The following MZT2A variants were observed in gnomAD, a reference collection of about 807,000 sequenced individuals.
MZT2A encodes mitotic spindle organizing protein 2A, also known as mitotic-spindle organizing protein 2A.
A neutral mutation model predicts 12.4 loss-of-function variants in MZT2A; 8 were observed. That is an observed-to-expected ratio of 0.64 (90% CI 0.38 to 1.16). The LOEUF (loss-of-function observed/expected upper bound fraction) is 1.16, where lower values mean the gene tolerates loss of function less well. Among genes scored for constraint, MZT2A ranks in the 50% most tolerant of loss-of-function variants. MZT2A has a pLI of 0.01. For synonymous variants in MZT2A, 88 were observed against 107.5 expected, an observed-to-expected ratio of 0.82 and a Z score of 1.12; for missense variants, 181 against 223.6, an observed-to-expected ratio of 0.81 and a Z score of 1.22.
intron 2 of MZT2A, chr2:131,490,338 G>C: frequency 9.5e-7 from 1 of 1,049,750 alleles, no homozygotes; most frequent in Non-Finnish European, 1.2e-6. Flanking sequence ...TTCCTGTCCA[G>C]GTAGGGGACA....
chr2:131,469,756 C>T (rs1468142875), intron 4 of MZT2A: 1 of 144,516 alleles, frequency 6.9e-6, no homozygotes, highest in Non-Finnish European at 1.5e-5. Context: ...TAAGGTCATA[C>T]AAAAGTCCAG....
chr2:131,485,163 C>A (rs1235980171), intron 2 of MZT2A, among the ~76,000 whole-genome samples: 1 of 152,182 alleles, frequency 6.6e-6, no homozygotes, highest in East Asian at 1.9e-4. Context: ...GACCCGTGGG[C>A]TCTAAACAGG....
intron 2 of MZT2A, chr2:131,491,366 G>A (rs1183631127): frequency 7.4e-6 from 2 of 271,778 alleles, no homozygotes; most frequent in South Asian, 4.2e-5. Flanking sequence ...GCAGGAAGAC[G>A]TCTGCCTGCC....
At chr2:131,472,274 T>C in intron 2 of MZT2A, 1 of 1,114,086 alleles carries the variant, frequency 9.0e-7, no homozygotes, top group Non-Finnish European at 1.2e-6. Context: ...ATTGAAATGA[T>C]TTAATAATTC....
At position 131,491,063 on chromosome 2, in the gene MZT2A, TCTC is replaced by T. The variant is rs879086952; in HGVS notation, c.319+810_319+812del. On this transcript the variant is annotated intron_variant, in intron 2 of 2. Transcript: ENST00000309451. The stretch of plus-strand genomic sequence containing the variant: ...CGCCTTCTCATGATGCCTGTGAGGG[TCTC>T]CTCCTGCTTCCAGGCAGGGAGCCAG... The T allele has an allele frequency of 1.0e-4, 109 of 1,054,272 alleles. 1 individual carries two copies. In the South Asian group the frequency reaches 1.3e-3, roughly 13 times the overall value. 65.3% of individuals were successfully genotyped at this position (1,054,272 alleles called of 1,614,324 possible).
At chr2:131,481,475 G>T (rs1378209294), downstream of MZT2A, among the ~76,000 whole-genome samples, 2 of 142,456 alleles carry the variant, frequency 1.4e-5, no homozygotes, top group East Asian at 4.2e-4. Flanking sequence ...TTGCTCTGTC[G>T]CCCGGGTTGG....
chr2:131,480,634 C>T (rs750836208), downstream of MZT2A: 15 of 1,613,746 alleles, frequency 9.3e-6, no homozygotes, highest in Non-Finnish European at 1.3e-5. Context: ...AAGTACATGG[C>T]CTGCTGCATG....
downstream of MZT2A, chr2:131,480,155 G>A (rs141774774): frequency 6.2e-7 from 1 of 1,613,742 alleles, no homozygotes; most frequent in Non-Finnish European, 8.5e-7. Context: ...CTCTGCTCAT[G>A]GAGCGGCTCT....
chr2:131,479,986 G>T, downstream of MZT2A: 1 of 1,486,390 alleles, frequency 6.7e-7, no homozygotes, highest in Non-Finnish European at 9.0e-7. Context: ...CTCTTTAGAG[G>T]CAAAGAGAAG....
At chr2:131,484,331 G>T (rs1258289641) in intron 2 of MZT2A, 113 bp from the exon 3 acceptor site, 3 of 1,486,006 alleles carry the variant, frequency 2.0e-6, no homozygotes, top group Non-Finnish European at 2.7e-6. Flanking sequence ...CATCAAAGTC[G>T]CTTCAGCTAG....
upstream of MZT2A, chr2:131,492,498 G>A (rs1038526867): frequency 1.3e-4 from 149 of 1,130,010 alleles, no homozygotes; most frequent in African/African-American, 1.6e-3. Context: ...AGCGGCGGGA[G>A]CGCGGGGACG....
At chr2:131,483,577 G>A (rs529948568), downstream of MZT2A, among the ~76,000 whole-genome samples, 19 of 143,412 alleles carry the variant, frequency 1.3e-4, no homozygotes, top group African/African-American at 5.6e-4. Flanking sequence ...CTAGCCGGGT[G>A]TGGTGGTGGG....
intron 2 of MZT2A, among the ~76,000 whole-genome samples, chr2:131,475,501 G>T (rs2105266383): frequency 6.6e-6 from 1 of 151,700 alleles, no homozygotes; most frequent in African/African-American, 2.4e-5. Flanking sequence ...GGTAATTTTT[G>T]TATTTTTAGT....
At chr2:131,475,606 C>T (rs572542986) in intron 2 of MZT2A, among the ~76,000 whole-genome samples, 12 of 152,252 alleles carry the variant, frequency 7.9e-5, no homozygotes, top group Non-Finnish European at 5.9e-5. Flanking sequence ...GCTGGGATTG[C>T]GGGCGTTAGC....
At chr2:131,481,430 G>A (rs1463642797), downstream of MZT2A, among the ~76,000 whole-genome samples, 1 of 135,058 alleles carries the variant, frequency 7.4e-6, no homozygotes, top group Non-Finnish European at 1.5e-5. Flanking sequence ...CACCATGCCC[G>A]GGTAATTTTT....
downstream of MZT2A, chr2:131,479,481 C>G: frequency 6.2e-7 from 1 of 1,606,540 alleles, no homozygotes; most frequent in Non-Finnish European, 8.5e-7. Flanking sequence ...TTTCATGTGG[C>G]CATTTTCTTG....
chr2:131,480,995 C>T (rs147577745), downstream of MZT2A, among the ~76,000 whole-genome samples: 877 of 152,170 alleles, frequency 5.8e-3, 7 homozygotes, highest in African/African-American at 0.02. Flanking sequence ...CCTCTGCCTC[C>T]CGGGTTCAAA....
chr2:131,476,856 G>C (rs571441485), intron 2 of MZT2A, among the ~76,000 whole-genome samples: 1 of 149,972 alleles, frequency 6.7e-6, no homozygotes, highest in African/African-American at 2.5e-5. Context: ...GATCAGCCGA[G>C]CCTGGAACTT....
At chr2:131,484,808 G>A (rs1678991579) in intron 2 of MZT2A, among the ~76,000 whole-genome samples, 1 of 152,194 alleles carries the variant, frequency 6.6e-6, no homozygotes, top group Non-Finnish European at 1.5e-5. Context: ...TTAGCTGCCA[G>A]ATTCCATGAC....
Sources: gnomAD v4.1 joint callset for allele counts (sites outside exome capture counted in the v4.1 genomes callset) on GRCh38, gnomAD v4.1.1 for gene constraint, MANE v1.5 for transcripts, NCBI Gene and HGNC (gene_info 2026-07-23, HGNC 2026-07-21) for gene names.